The following PTPRN2 variants were observed in gnomAD, a reference collection of about 807,000 sequenced individuals.
PTPRN2 encodes protein tyrosine phosphatase receptor type N2.
In PTPRN2, 74 loss-of-function variants were observed where a neutral mutation model predicts 118.8. The ratio of observed to expected loss-of-function variants is 0.62; its 90% CI spans 0.52 to 0.76. PTPRN2 has a LOEUF of 0.76. PTPRN2 is among the 30% of genes least tolerant of loss of function. The probability of loss-of-function intolerance (pLI) is 0.00; values close to 1 mark genes in which losing one functional copy is unlikely to be tolerated. For missense variants in PTPRN2, 1,481 were observed against 1,394.4 expected (o/e 1.06, Z -0.99); for synonymous variants, 641 against 608.0 (o/e 1.05, Z -0.80).
chr7:158,340,579 A>G (rs567715905), intron 2 of PTPRN2, among the ~76,000 whole-genome samples: 2,896 of 117,740 alleles, frequency 0.025, 370 homozygotes, highest in African/African-American at 0.087. Flanking sequence ...TCACCATAAG[A>G]GCCGACGCCC....
intron 17 of PTPRN2, among the ~76,000 whole-genome samples, chr7:157,580,384 A>G (rs2150531444): frequency 6.6e-6 from 1 of 152,166 alleles, no homozygotes; most frequent in Admixed American, 6.5e-5. Context: ...CTGTTTGGTG[A>G]AGGGTAAGAG....
intron 2 of PTPRN2, among the ~76,000 whole-genome samples, chr7:158,412,931 G>A (rs1814297134): frequency 7.3e-6 from 1 of 137,122 alleles, no homozygotes; most frequent in South Asian, 2.5e-4. Flanking sequence ...GGCCCATCCA[G>A]CGCCCTCCTC....
chr7:158,100,285 ATTTC>A (rs1330192020), intron 10 of PTPRN2, among the ~76,000 whole-genome samples: 3 of 146,050 alleles, frequency 2.1e-5, no homozygotes, highest in Non-Finnish European at 3.0e-5. Context: ...GTGTGCCACG[ATTTC>A]TTTATCTACT....
At chr7:158,081,198 T>G in intron 11 of PTPRN2, 100 bp downstream of exon 11, 11 of 1,214,164 alleles carry the variant, frequency 9.1e-6, no homozygotes, top group Non-Finnish European at 1.2e-5. Context: ...GTGGGTAGTG[T>G]GAGTCTCTCT....
rs78466306 is a variant in PTPRN2 at position 158,137,803 on chromosome 7, A to C, written c.1132+491T>G. On this transcript the variant is annotated intron_variant, in intron 7 of 22. Coordinates refer to ENST00000389418, the MANE Select transcript of PTPRN2 (RefSeq NM_002847.5). ...TTGCAGCTCCACGCTGTGAGAAGCC[A>C]TCAGGCTGCAGAAGTCCTGGCTGAC... Among the ~76,000 whole-genome samples the C allele has an allele frequency of 3.5e-3, 532 of 152,322 alleles. 19 individuals carry two copies. In the East Asian group the frequency reaches 0.085, roughly 24 times the overall value.
chr7:158,007,594 G>C (rs1168930934), intron 11 of PTPRN2, among the ~76,000 whole-genome samples: 1 of 152,178 alleles, frequency 6.6e-6, no homozygotes, highest in African/African-American at 2.4e-5. Flanking sequence ...TGGAGGAAGC[G>C]CCAGGTGCAT....
rs1827958735 is a variant in PTPRN2 at position 158,570,481 on chromosome 7, C to T, written c.112+17077G>A. Among the ~76,000 whole-genome samples, 1 of 152,204 alleles carries T rather than the reference C, an allele frequency of 6.6e-6. No individual in the cohort carries two copies. Among genetic ancestry groups the T allele is most frequent in the East Asian group, 1.9e-4 (1 of 5,186 alleles). The stretch of plus-strand genomic sequence containing the variant: ...ACTCTGCACCGTGAGAAAGCGGCTT[C>T]GGCAGCTCCGACCCCTCAACTGACG... On this transcript the variant is annotated intron_variant, in intron 1 of 22. Coordinates refer to ENST00000389418, the MANE Select transcript of PTPRN2 (RefSeq NM_002847.5). This position sits in a 1 kb window ranked among gnomAD's most constrained non-coding sequence, Gnocchi z 4.5.
At chr7:158,530,900 C>T (rs553542084) in intron 1 of PTPRN2, among the ~76,000 whole-genome samples, 47 of 152,248 alleles carry the variant, frequency 3.1e-4, no homozygotes, top group Non-Finnish European at 5.7e-4. Context: ...GAATGGCAGG[C>T]TGGGGGGAGC....
intron 2 of PTPRN2, among the ~76,000 whole-genome samples, chr7:158,418,667 CCT>C (rs1419222688): frequency 5.3e-4 from 54 of 102,708 alleles, no homozygotes; most frequent in Non-Finnish European, 8.0e-4. Context: ...TCAGTGTCCC[CCT>C]GTGTTAAGTC....
chr7:158,204,215 G>GC (rs1292126564), intron 4 of PTPRN2, among the ~76,000 whole-genome samples: 17 of 149,498 alleles, frequency 1.1e-4, no homozygotes, highest in Non-Finnish European at 1.9e-4. Context: ...TGAAGACGAA[G>GC]CCCCCGCCCT....
intron 2 of PTPRN2, among the ~76,000 whole-genome samples, chr7:158,340,827 C>A (rs1407333002): frequency 4.6e-5 from 4 of 87,714 alleles, no homozygotes; most frequent in African/African-American, 1.8e-4. Flanking sequence ...TCACTCACAC[C>A]CACACTCTCA....
intron 2 of PTPRN2, among the ~76,000 whole-genome samples, chr7:158,392,996 G>T (rs1812057343): frequency 6.6e-6 from 1 of 152,196 alleles, no homozygotes; most frequent in Non-Finnish European, 1.5e-5. Context: ...AAAACAGCAA[G>T]TCCACAGAGA....
chr7:158,136,961 C>T (rs954554791), intron 7 of PTPRN2, among the ~76,000 whole-genome samples: 9 of 151,422 alleles, frequency 5.9e-5, no homozygotes, highest in Middle Eastern at 3.4e-3. Context: ...GGGGGTCTCA[C>T]GTGATCGACA....
intron 14 of PTPRN2, among the ~76,000 whole-genome samples, chr7:157,626,439 C>T (rs753727154): frequency 7.2e-5 from 11 of 152,288 alleles, no homozygotes; most frequent in Non-Finnish European, 1.0e-4. Flanking sequence ...TGTAATGAAC[C>T]GACCCAGACT....
At chr7:157,624,922 C>T (rs1395215535) in intron 14 of PTPRN2, among the ~76,000 whole-genome samples, 3 of 151,982 alleles carry the variant, frequency 2.0e-5, no homozygotes, top group Admixed American at 6.6e-5. Context: ...GGGCTAAGGA[C>T]ATGAATAGAC....
intron 10 of PTPRN2, among the ~76,000 whole-genome samples, chr7:158,094,515 G>A (rs886572117): frequency 6.6e-6 from 1 of 151,916 alleles, no homozygotes; most frequent in Admixed American, 6.6e-5. Flanking sequence ...CACTATGTTG[G>A]CCAGGCTGGT....
chr7:158,028,459 G>A (rs1169110057), intron 11 of PTPRN2: 2 of 152,332 alleles, frequency 1.3e-5, no homozygotes, highest in Non-Finnish European at 2.9e-5. Context: ...TCAGACGAGA[G>A]AGGAAAGAAC....
At chr7:158,238,609 T>C (rs936249287) in intron 3 of PTPRN2, among the ~76,000 whole-genome samples, 2 of 152,168 alleles carry the variant, frequency 1.3e-5, no homozygotes, top group Admixed American at 1.3e-4. Flanking sequence ...ACTTTCCTTG[T>C]CTTAAACGGG....
rs1203353612 is a variant in PTPRN2 at position 157,550,896 on chromosome 7, A to G, written c.2903-1877T>C. 6.6e-6 allele frequency among the ~76,000 whole-genome samples: 1 copy of G among 152,216 alleles called. No homozygotes were observed. Among genetic ancestry groups the G allele is most frequent in the Non-Finnish European group, 1.5e-5 (1 of 68,042 alleles). ...AAGTCGACAAGGCTACAGTAAATAC[A>G]ATCTTGTTTTAAAAGAAATCCATAA... is the stretch of plus-strand genomic sequence containing the variant. On this transcript the variant is annotated intron_variant, in intron 21 of 22. Transcript: ENST00000389418. The surrounding 1 kb of genome is among the most constrained non-coding windows in gnomAD (Gnocchi z 5.2).
Sources: allele counts gnomAD v4.1 joint callset (sites outside exome capture counted in the v4.1 genomes callset), GRCh38; gene constraint gnomAD v4.1.1; non-coding constraint Gnocchi (gnomAD v3.1); transcripts MANE v1.5; gene names NCBI Gene and HGNC (gene_info 2026-07-23, HGNC 2026-07-21).